TMEM132D: variants seen among roughly 807,000 people sequenced by gnomAD.
TMEM132D encodes mature OL transmembrane protein.
A neutral mutation model predicts 62.3 loss-of-function variants in TMEM132D; 21 were observed. The ratio of observed to expected loss-of-function variants is 0.34; its 90% confidence interval spans 0.24 to 0.49. The LOEUF (loss-of-function observed/expected upper bound fraction) is 0.49, where lower values mean the gene tolerates loss of function less well. Among genes scored for constraint, TMEM132D ranks in the 20% least tolerant of loss-of-function variants. TMEM132D has a pLI of 0.99. For synonymous variants in TMEM132D, 621 were observed against 575.6 expected, an observed-to-expected ratio of 1.08 and a Z score of -1.13; for missense variants, 1,346 against 1,402.8, an observed-to-expected ratio of 0.96 and a Z score of 0.65.
chr12:129,877,609 G>A (rs1044718192), intron 1 of TMEM132D, among the ~76,000 whole-genome samples: 5 of 94,100 alleles, frequency 5.3e-5, no homozygotes, highest in East Asian at 5.2e-4. Flanking sequence ...AAACGCGCGC[G>A]CGCGCACACA....
At chr12:129,516,206 T>C (rs1325163094) in intron 3 of TMEM132D, among the ~76,000 whole-genome samples, 1 of 152,168 alleles carries the variant, frequency 6.6e-6, no homozygotes, top group Non-Finnish European at 1.5e-5. Flanking sequence ...CACATTAACA[T>C]TCACTTAATC....
intron 4 of TMEM132D, among the ~76,000 whole-genome samples, chr12:129,289,838 C>T (rs1395783649): frequency 6.6e-6 from 1 of 152,150 alleles, no homozygotes; most frequent in Non-Finnish European, 1.5e-5. Flanking sequence ...ATAGCAAGAC[C>T]TCATCTCTGT....
chr12:129,649,927 T>C (rs1879886063), intron 2 of TMEM132D, among the ~76,000 whole-genome samples: 1 of 151,956 alleles, frequency 6.6e-6, no homozygotes, highest in African/African-American at 2.4e-5. Flanking sequence ...TGTGTGTGTA[T>C]GTTTATGTAT....
intron 3 of TMEM132D, among the ~76,000 whole-genome samples, chr12:129,365,641 T>TCA (rs1339675701): frequency 6.6e-6 from 1 of 152,114 alleles, no homozygotes; most frequent in Non-Finnish European, 1.5e-5. Context: ...CAAGCCCCTG[T>TCA]CACCCCGCAG....
At chr12:129,340,172 T>C (rs899741776) in intron 3 of TMEM132D, among the ~76,000 whole-genome samples, 4 of 152,314 alleles carry the variant, frequency 2.6e-5, no homozygotes, top group African/African-American at 9.6e-5. Context: ...CCTTACGTGA[T>C]TGTTCTATAC....
At chr12:129,630,005 A>T (rs1271466559) in intron 2 of TMEM132D, among the ~76,000 whole-genome samples, 1 of 152,216 alleles carries the variant, frequency 6.6e-6, no homozygotes, top group East Asian at 1.9e-4. Context: ...CAGGAAGTTG[A>T]TTCATATCTG....
chr12:129,402,017 C>G (rs998773296), intron 3 of TMEM132D, among the ~76,000 whole-genome samples: 2 of 152,154 alleles, frequency 1.3e-5, no homozygotes, highest in African/African-American at 4.8e-5. Context: ...CTCAGTGAAG[C>G]CTGGCTACGA....
intron 5 of TMEM132D, among the ~76,000 whole-genome samples, chr12:129,179,702 T>C (rs1878011770): frequency 6.6e-6 from 1 of 152,128 alleles, no homozygotes; most frequent in Admixed American, 6.5e-5. Context: ...TGGATGATGG[T>C]CTGACAGCTT....
At chr12:129,213,228 C>T (rs918264673) in intron 4 of TMEM132D, among the ~76,000 whole-genome samples, 2 of 152,168 alleles carry the variant, frequency 1.3e-5, no homozygotes, top group African/African-American at 4.8e-5. Flanking sequence ...TGCAGTGGCT[C>T]ACACCTGCAA....
rs138781609 is a variant in TMEM132D at position 129,269,344 on chromosome 12, T to TCTGATACTTTTCCTCCCTCC, written c.1300-59701_1300-59682dup. On this transcript the variant is annotated intron_variant, in intron 4 of 8. Transcript: ENST00000422113. ...ATGGTATTTTTTGCACAGTACTTTT[T>TCTGATACTTTTCCTCCCTCC]CTGATACTTTTCCTCCCTCCCTTCC... 2.0e-4 allele frequency among the ~76,000 whole-genome samples: 30 copies of TCTGATACTTTTCCTCCCTCC among 151,764 alleles called. 1 individual carries two copies. Among genetic ancestry groups the TCTGATACTTTTCCTCCCTCC allele is most frequent in the East Asian group, 5.9e-4 (3 of 5,096 alleles).
chr12:129,531,335 T>A, intron 2 of TMEM132D, 130 bp from the exon 3 acceptor site: 2 of 1,136,740 alleles, frequency 1.8e-6, no homozygotes, highest in Non-Finnish European at 1.2e-6. Flanking sequence ...TACTAGGATT[T>A]AAACACAAAT....
At chr12:129,885,884 T>C (rs1322062698) in intron 1 of TMEM132D, among the ~76,000 whole-genome samples, 1 of 152,238 alleles carries the variant, frequency 6.6e-6, no homozygotes, top group African/African-American at 2.4e-5. Context: ...TGTTACTTTG[T>C]TCCATTTTCT....
intron 4 of TMEM132D, among the ~76,000 whole-genome samples, chr12:129,266,704 C>T (rs1269678725): frequency 6.6e-6 from 1 of 151,764 alleles, no homozygotes; most frequent in East Asian, 1.9e-4. Flanking sequence ...AGACCAACGT[C>T]TGTTATCTCC....
chr12:129,893,220 G>C (rs558699702), intron 1 of TMEM132D, among the ~76,000 whole-genome samples: 1 of 152,054 alleles, frequency 6.6e-6, no homozygotes, highest in African/African-American at 2.4e-5. Context: ...TCAGATTCCT[G>C]TACCTCAATT....
At chr12:129,830,042 A>G (rs1872781278) in intron 1 of TMEM132D, among the ~76,000 whole-genome samples, 1 of 152,192 alleles carries the variant, frequency 6.6e-6, no homozygotes, top group Non-Finnish European at 1.5e-5. Flanking sequence ...AGAGTGGCAC[A>G]GAGCTCAGGC....
chr12:129,892,316 A>G (rs1358670157), intron 1 of TMEM132D, among the ~76,000 whole-genome samples: 4 of 152,230 alleles, frequency 2.6e-5, no homozygotes, highest in African/African-American at 7.2e-5. Context: ...TCTATGTTTA[A>G]TAGACAATAT....
At chr12:129,810,187 A>G (rs1872125645) in intron 1 of TMEM132D, among the ~76,000 whole-genome samples, 1 of 152,202 alleles carries the variant, frequency 6.6e-6, no homozygotes, top group Non-Finnish European at 1.5e-5. Flanking sequence ...GCCAGCACTC[A>G]GCATTGGAAG....
intron 1 of TMEM132D, among the ~76,000 whole-genome samples, chr12:129,805,885 T>C (rs1405783798): frequency 3.8e-5 from 5 of 130,274 alleles, no homozygotes; most frequent in African/African-American, 1.1e-4. Context: ...GGGCGAAGGA[T>C]ATGAACAGAC....
intron 4 of TMEM132D, among the ~76,000 whole-genome samples, chr12:129,267,821 G>A (rs1408555734): frequency 6.6e-6 from 1 of 152,124 alleles, no homozygotes; most frequent in South Asian, 2.1e-4. Context: ...GCATGGTACT[G>A]GTACCAAAAC....
Sources: allele counts gnomAD v4.1 joint callset (sites outside exome capture counted in the v4.1 genomes callset), GRCh38; gene constraint gnomAD v4.1.1; transcripts MANE v1.5; gene names NCBI Gene and HGNC (gene_info 2026-07-23, HGNC 2026-07-21).